Variants in NMT2 observed in about 807,000 individuals in gnomAD.
The protein encoded by NMT2 is N-myristoyltransferase 2, also known as glycylpeptide N-tetradecanoyltransferase 2.
Under a neutral mutation model 65.4 loss-of-function variants are expected in NMT2, and 35 were observed. The observed-to-expected ratio is 0.54, with a 90% CI of 0.41 to 0.71. The LOEUF (loss-of-function observed/expected upper bound fraction) is 0.71, where lower values mean the gene tolerates loss of function less well. Ranked by LOEUF, NMT2 falls within the 30% of genes least tolerant of loss-of-function variation. The probability of loss-of-function intolerance (pLI) is 0.00; values close to 1 mark genes in which losing one functional copy is unlikely to be tolerated. For missense variants in NMT2, 489 were observed against 611.3 expected (o/e 0.80, Z 2.11); for synonymous variants, 226 against 231.8 (o/e 0.98, Z 0.23).
Position 15,119,325 on chromosome 10 carries a change from T to A in NMT2, c.1170+18A>T, listed in dbSNP as rs767628999. ...GGTGCTTCAAGGAGAAGCTTTATGT[T>A]TATCACCTTGTCTTTACCTCCACTA... On this transcript the variant is annotated intron_variant, in intron 9 of 11. Transcript: ENST00000378165. 6.2e-7 allele frequency: 1 copy of A among 1,612,234 alleles called. No individual in the cohort carries two copies. Among genetic ancestry groups the A allele is most frequent in the South Asian group, 1.1e-5 (1 of 91,020 alleles).
intron 6 of NMT2, among the ~76,000 whole-genome samples, chr10:15,131,610 A>C (rs866311595): frequency 6.6e-6 from 1 of 152,182 alleles, no homozygotes; most frequent in African/African-American, 2.4e-5. Context: ...GAACTACAGT[A>C]AACCTCCTAG....
intron 8 of NMT2, among the ~76,000 whole-genome samples, chr10:15,122,333 T>C (rs1306854258): frequency 6.6e-6 from 1 of 152,170 alleles, no homozygotes; most frequent in African/African-American, 2.4e-5. Flanking sequence ...TCATTGAATA[T>C]CCAACTGTGA....
At chr10:15,111,294 T>C (rs919506545) in intron 10 of NMT2, among the ~76,000 whole-genome samples, 2 of 151,598 alleles carry the variant, frequency 1.3e-5, no homozygotes, top group Non-Finnish European at 2.9e-5. Flanking sequence ...GTGGATCACC[T>C]GAGGTCAGGA....
At chr10:15,160,682 G>T (rs777912247) in intron 1 of NMT2, among the ~76,000 whole-genome samples, 1 of 152,088 alleles carries the variant, frequency 6.6e-6, no homozygotes, top group East Asian at 1.9e-4. Flanking sequence ...GCTGAGGCAG[G>T]AGAATCGCTT....
chr10:15,141,189 AG>A, intron 2 of NMT2: 1 of 817,278 alleles, frequency 1.2e-6, no homozygotes, highest in Non-Finnish European at 1.9e-6. Flanking sequence ...CACTGAGAAA[AG>A]GGAAAAACAC....
chr10:15,154,186 T>C (rs1832909536), intron 1 of NMT2, among the ~76,000 whole-genome samples: 1 of 152,134 alleles, frequency 6.6e-6, no homozygotes, highest in African/African-American at 2.4e-5. Flanking sequence ...CTACCACTGG[T>C]ACACATATCC....
intron 9 of NMT2, among the ~76,000 whole-genome samples, chr10:15,116,117 G>A (rs927450154): frequency 5.9e-5 from 9 of 152,296 alleles, no homozygotes; most frequent in South Asian, 2.1e-4. Context: ...CCACACAACC[G>A]TAGTGGTATA....
intron 1 of NMT2, among the ~76,000 whole-genome samples, chr10:15,165,955 C>T (rs566577636): frequency 1.4e-4 from 21 of 151,192 alleles, no homozygotes; most frequent in South Asian, 4.2e-4. Flanking sequence ...ATAATACTTA[C>T]GCCATTGCTT....
chr10:15,140,198 C>T (rs1450484224), intron 2 of NMT2, among the ~76,000 whole-genome samples: 1 of 152,126 alleles, frequency 6.6e-6, no homozygotes, highest in African/African-American at 2.4e-5. Flanking sequence ...TCTTGGCTCA[C>T]TGCAACCTCC....
chr10:15,106,013 G>GAGAT lies in NMT2; in HGVS notation c.*3178_*3181dup, dbSNP rs1291477231. 4.8e-6 allele frequency: 2 copies of GAGAT among 416,862 alleles called. No homozygotes were observed. Among genetic ancestry groups the GAGAT allele is most frequent in the Admixed American group, 2.8e-5 (1 of 35,910 alleles). 25.8% of individuals were successfully genotyped at this position (416,862 alleles called of 1,614,324 possible). A position where few individuals can be genotyped will look rare whatever the true frequency, so the allele number is the denominator to read the frequency against. ...TGCTGCAGTTATTTATTTTACTTTC[G>GAGAT]AGATAGAGTCTCACTCTGTTGCCCA... On this transcript the variant is annotated 3_prime_UTR_variant, in exon 12 of 12. Transcript: ENST00000378165.
chr10:15,111,630 A>G (rs1845520842), intron 10 of NMT2: 1 of 151,998 alleles, frequency 6.6e-6, no homozygotes, highest in Non-Finnish European at 1.5e-5. Context: ...AATGTCAGAC[A>G]ATAATACTAT....
At position 15,121,502 on chromosome 10, in the gene NMT2, G is replaced by C. The variant is rs953069624; in HGVS notation, c.1000-1989C>G. ...CTTGCCTCAGGCTCCCGAGTAACTGGGATTACAGGCACCTGCCACCACGCC... is the reference window on the plus strand; with the variant it reads ...CTTGCCTCAGGCTCCCGAGTAACTGCGATTACAGGCACCTGCCACCACGCC... On this transcript the variant is annotated intron_variant, in intron 8 of 11. Coordinates refer to ENST00000378165, the MANE Select transcript of NMT2 (RefSeq NM_004808.3). Among the ~76,000 whole-genome samples, 6 of 152,218 alleles carry C rather than the reference G, an allele frequency of 3.9e-5. No individual in the cohort carries two copies. In the South Asian group the frequency reaches 8.3e-4, roughly 21 times the overall value.
intron 1 of NMT2, among the ~76,000 whole-genome samples, chr10:15,161,665 G>A (rs1439390238): frequency 6.6e-6 from 1 of 152,038 alleles, no homozygotes; most frequent in East Asian, 1.9e-4. Flanking sequence ...TGGCCGGGAG[G>A]ATGTGTTTTA....
intron 2 of NMT2, 112 bp downstream of exon 2, chr10:15,141,310 C>T (rs1938430961): frequency 7.4e-7 from 1 of 1,358,090 alleles, no homozygotes. Context: ...TGGCATTCAA[C>T]ACACAGTCAC....
At chr10:15,161,341 T>A (rs1833191877) in intron 1 of NMT2, among the ~76,000 whole-genome samples, 1 of 151,802 alleles carries the variant, frequency 6.6e-6, no homozygotes, top group African/African-American at 2.4e-5. Context: ...AAAGACAGGA[T>A]GTGTTTTATT....
chr10:15,121,165 G>T (rs569555264), intron 8 of NMT2, among the ~76,000 whole-genome samples: 3 of 152,142 alleles, frequency 2.0e-5, no homozygotes, highest in Admixed American at 2.0e-4. Flanking sequence ...CCCCCCCTTG[G>T]AGAAACACTA....
intron 10 of NMT2, among the ~76,000 whole-genome samples, chr10:15,110,435 G>A (rs1382547091): frequency 6.6e-6 from 1 of 152,134 alleles, no homozygotes; most frequent in Admixed American, 6.5e-5. Context: ...GGCATAGGCT[G>A]TAGGTATAGG....
intron 7 of NMT2, among the ~76,000 whole-genome samples, chr10:15,129,686 T>G (rs1846206959): frequency 6.6e-6 from 1 of 152,060 alleles, no homozygotes; most frequent in Non-Finnish European, 1.5e-5. Flanking sequence ...GAAGTATAGA[T>G]CCACACGAGG....
chr10:15,110,992 C>T (rs1178975379), intron 10 of NMT2, among the ~76,000 whole-genome samples: 3 of 151,828 alleles, frequency 2.0e-5, no homozygotes, highest in African/African-American at 7.3e-5. Context: ...CGGGTTTCAC[C>T]GTGTTGGCCA....
Sources: gnomAD v4.1 joint callset for allele counts (sites outside exome capture counted in the v4.1 genomes callset) on GRCh38, gnomAD v4.1.1 for gene constraint, MANE v1.5 for transcripts, NCBI Gene and HGNC (gene_info 2026-07-23, HGNC 2026-07-21) for gene names.